The following LMNB1 variants were observed in gnomAD, a reference collection of about 807,000 sequenced individuals.
LMNB1 encodes lamin B1.
Under a neutral mutation model 67.1 loss-of-function variants are expected in LMNB1, and 23 were observed. That is an observed-to-expected ratio of 0.34 (90% CI 0.25 to 0.49). LMNB1 has a LOEUF of 0.49. Ranked by LOEUF, LMNB1 falls within the 20% of genes least tolerant of loss-of-function variation. The probability of loss-of-function intolerance (pLI) is 0.99; values close to 1 mark genes in which losing one functional copy is unlikely to be tolerated. For synonymous variants in LMNB1, 281 were observed against 282.9 expected (o/e 0.99, Z 0.07); for missense variants, 634 against 746.5 (o/e 0.85, Z 1.76).
At chr5:126,796,789 T>G (rs1751106692) in intron 1 of LMNB1, among the ~76,000 whole-genome samples, 1 of 24,568 alleles carries the variant, frequency 4.1e-5, no homozygotes, top group Non-Finnish European at 9.7e-5. Flanking sequence ...TTTCTTTCTT[T>G]TTTTTTTTTT....
upstream of LMNB1, chr5:126,777,120 C>T (rs980236750): frequency 6.4e-6 from 1 of 155,846 alleles, no homozygotes; most frequent in African/African-American, 2.4e-5. Context: ...TCCCGGCCCT[C>T]CTCCCCCCGC....
intron 5 of LMNB1, among the ~76,000 whole-genome samples, chr5:126,814,366 A>G (rs1323030849): frequency 6.6e-6 from 1 of 152,138 alleles, no homozygotes; most frequent in African/African-American, 2.4e-5. Flanking sequence ...GCTGCTGCCT[A>G]ATCCATTTGA....
intron 1 of LMNB1, among the ~76,000 whole-genome samples, chr5:126,792,687 C>G (rs1750993164): frequency 6.6e-6 from 1 of 151,218 alleles, no homozygotes; most frequent in South Asian, 2.1e-4. Flanking sequence ...AGCGTTTCTC[C>G]TGCCTCAGCC....
intron 1 of LMNB1, among the ~76,000 whole-genome samples, chr5:126,803,491 G>C (rs112545404): frequency 6.6e-6 from 1 of 151,848 alleles, no homozygotes; most frequent in Non-Finnish European, 1.5e-5. Flanking sequence ...CAGGTGATCC[G>C]CCCACCTCAG....
intron 9 of LMNB1, among the ~76,000 whole-genome samples, chr5:126,827,645 T>A (rs1170059948): frequency 1.3e-5 from 2 of 152,110 alleles, no homozygotes; most frequent in African/African-American, 2.4e-5. Context: ...AGACTGTGTC[T>A]CAAATAAATA....
intron 1 of LMNB1, among the ~76,000 whole-genome samples, chr5:126,796,705 T>TA (rs1033607198): frequency 6.6e-6 from 1 of 152,120 alleles, no homozygotes; most frequent in African/African-American, 2.4e-5. Context: ...ATGTTAGTCT[T>TA]AAGTCACTGC....
intron 1 of LMNB1, among the ~76,000 whole-genome samples, chr5:126,784,609 C>A (rs950492301): frequency 9.3e-5 from 14 of 151,314 alleles, no homozygotes; most frequent in African/African-American, 3.4e-4. Context: ...CCCGCCTCGG[C>A]CTCCCAAAGT....
In LMNB1 at chr5:126,784,208, T is replaced by A. The variant is rs564588648; in HGVS notation, c.359+6341T>A. Among the ~76,000 whole-genome samples, 4 of 151,292 alleles carry A rather than the reference T, an allele frequency of 2.6e-5. No homozygotes were observed. In the South Asian group the frequency reaches 6.3e-4, roughly 24 times the overall value. ...CCCGGCTGATTTTGTATTTTTTTTT[T>A]AATAGACTTGGGGTTTTTCCATGTT... On this transcript the variant is annotated intron_variant, in intron 1 of 10. Transcript: ENST00000261366.
chr5:126,800,532 T>A (rs1390567789), intron 1 of LMNB1, among the ~76,000 whole-genome samples: 1 of 150,920 alleles, frequency 6.6e-6, no homozygotes, highest in Non-Finnish European at 1.5e-5. Flanking sequence ...GGGACTGCCA[T>A]GCCAAGGAGC....
chr5:126,778,485 T>G (rs1750538556), intron 1 of LMNB1, among the ~76,000 whole-genome samples: 1 of 152,174 alleles, frequency 6.6e-6, no homozygotes, highest in Admixed American at 6.5e-5. Flanking sequence ...CTACGCCTGC[T>G]TTAGGCGGGA....
chr5:126,820,683 G>A (rs1024731618), intron 6 of LMNB1, among the ~76,000 whole-genome samples: 3 of 151,762 alleles, frequency 2.0e-5, no homozygotes, highest in Non-Finnish European at 4.4e-5. Context: ...CCACCACCAC[G>A]CCTGGCTAAT....
At chr5:126,800,703 A>AGT (rs1289372967) in intron 1 of LMNB1, among the ~76,000 whole-genome samples, 1 of 116,468 alleles carries the variant, frequency 8.6e-6, no homozygotes, top group African/African-American at 3.4e-5. Context: ...CCCAGGCTGG[A>AGT]GTGCAATGGC....
chr5:126,778,707 C>A (rs895204514), intron 1 of LMNB1, among the ~76,000 whole-genome samples: 2 of 152,238 alleles, frequency 1.3e-5, no homozygotes, highest in African/African-American at 4.8e-5. Context: ...AGGCAGCGGC[C>A]CTCTGTCCCC....
chr5:126,784,060 C>G (rs1750699944), intron 1 of LMNB1, among the ~76,000 whole-genome samples: 1 of 110,420 alleles, frequency 9.1e-6, no homozygotes, highest in African/African-American at 3.6e-5. Context: ...GTTTTGCTCT[C>G]GTTGCCCAGG....
chr5:126,808,720 T>C (rs563497746), intron 3 of LMNB1, among the ~76,000 whole-genome samples: 1 of 152,310 alleles, frequency 6.6e-6, no homozygotes, highest in Non-Finnish European at 1.5e-5. Context: ...CTGATTTTTC[T>C]GATTTTTCAG....
rs112299526 is a variant in LMNB1 at position 126,784,424 on chromosome 5, C to T, written c.359+6557C>T. 7.0e-3 allele frequency among the ~76,000 whole-genome samples: 1,063 copies of T among 151,434 alleles called. 11 individuals carry two copies. Among genetic ancestry groups the T allele is most frequent in the African/African-American group, 0.025 (1,013 of 41,184 alleles). On this transcript the variant is annotated intron_variant, in intron 1 of 10. Coordinates refer to ENST00000261366, the MANE Select transcript of LMNB1 (RefSeq NM_005573.4). ...AGGCTGGAGTGCAGTGGTGCGATCT[C>T]GGCTCACTGCAACCTCCGCCCCTCC...
At position 126,822,896 on chromosome 5, in the gene LMNB1, C is replaced by G. The variant is rs1205873041; in HGVS notation, c.1491+11C>G. On this transcript the variant is annotated intron_variant, in intron 8 of 10. Coordinates refer to ENST00000261366, the MANE Select transcript of LMNB1 (RefSeq NM_005573.4). Reference sequence around the variant, plus strand: ...GGCCAGACTGTTACAGTAAGTGAATCTAGTCATCATTTAATTTAACTTCAT... The same window carrying G: ...GGCCAGACTGTTACAGTAAGTGAATGTAGTCATCATTTAATTTAACTTCAT... 3 of 1,482,300 alleles carry G rather than the reference C, an allele frequency of 2.0e-6. No homozygotes were observed. Among genetic ancestry groups the G allele is most frequent in the African/African-American group, 2.8e-5 (2 of 72,054 alleles). The allele number at this position is 1,482,300 out of a possible 1,614,324, so 91.8% of individuals were successfully genotyped here. A position where few individuals can be genotyped will look rare whatever the true frequency, so the allele number is the denominator to read the frequency against.
At chr5:126,779,237 T>G (rs1580519824) in intron 1 of LMNB1, among the ~76,000 whole-genome samples, 1 of 152,344 alleles carries the variant, frequency 6.6e-6, no homozygotes, top group East Asian at 1.9e-4. Context: ...TAAAATAGTA[T>G]AGACTGGTTT....
intron 1 of LMNB1, among the ~76,000 whole-genome samples, chr5:126,803,656 C>T (rs1751343961): frequency 6.6e-6 from 1 of 152,124 alleles, no homozygotes; most frequent in East Asian, 1.9e-4. Context: ...AAGTGATTCT[C>T]CTGCCTGAGC....
Sources: allele counts gnomAD v4.1 joint callset (sites outside exome capture counted in the v4.1 genomes callset), GRCh38; gene constraint gnomAD v4.1.1; transcripts MANE v1.5; gene names NCBI Gene and HGNC (gene_info 2026-07-23, HGNC 2026-07-21).